Variants in BEND7 observed in about 807,000 individuals in gnomAD.
BEND7 encodes BEN domain-containing protein 7.
Under a neutral mutation model 50.9 loss-of-function variants are expected in BEND7, and 28 were observed. The observed-to-expected ratio is 0.55, with a 90% CI of 0.41 to 0.75. The LOEUF (loss-of-function observed/expected upper bound fraction) is 0.75. Among genes scored for constraint, BEND7 ranks in the 30% least tolerant of loss-of-function variants. The pLI is 0.00. For missense variants in BEND7, 477 were observed against 491.3 expected, an observed-to-expected ratio of 0.97 and a Z score of 0.28; for synonymous variants, 170 against 183.9, an observed-to-expected ratio of 0.92 and a Z score of 0.61.
chr10:13,466,795 C>T (rs912822763), intron 6 of BEND7, among the ~76,000 whole-genome samples: 8 of 152,042 alleles, frequency 5.3e-5, no homozygotes, highest in African/African-American at 1.7e-4. Flanking sequence ...AAAAGTCATG[C>T]GTTTTTCTCT....
chr10:13,525,242 C>T lies in BEND7; in HGVS notation c.145+896G>A, dbSNP rs182170772. ...ACCCTGACCTTATGGGTACTTCACT[C>T]TTAGAGGCAAAATCTTACGTGGTTT... On this transcript the variant is annotated intron_variant, in intron 2 of 8. Transcript: ENST00000466271. Among the ~76,000 whole-genome samples the T allele has an allele frequency of 1.1e-4, 17 of 152,332 alleles. No homozygotes were observed. In the East Asian group the frequency reaches 2.9e-3, roughly 26 times the overall value.
intron 8 of BEND7, 58 bp downstream of exon 8, chr10:13,447,208 T>G: frequency 6.4e-7 from 1 of 1,573,524 alleles, no homozygotes; most frequent in African/African-American, 1.4e-5. Flanking sequence ...TCAATGCAAA[T>G]AGTTTTGTGG....
At chr10:13,469,865 A>G (rs1002044395) in intron 6 of BEND7, among the ~76,000 whole-genome samples, 4 of 152,178 alleles carry the variant, frequency 2.6e-5, no homozygotes, top group Admixed American at 6.5e-5. Flanking sequence ...TTTGCAATGC[A>G]CTTTCAGGGC....
chr10:13,477,752 A>C (rs1416013277), intron 6 of BEND7, among the ~76,000 whole-genome samples: 2 of 152,254 alleles, frequency 1.3e-5, no homozygotes, highest in Non-Finnish European at 2.9e-5. Context: ...TGAGTTATTC[A>C]AGAAGATGTG....
At chr10:13,523,148 TCTATA>T (rs1406347210) in intron 2 of BEND7, among the ~76,000 whole-genome samples, 14 of 152,232 alleles carry the variant, frequency 9.2e-5, no homozygotes, top group Non-Finnish European at 1.5e-4. Flanking sequence ...CAGAGTATCT[TCTATA>T]AAGACACTGG....
At chr10:13,508,955 C>G (rs1384872201) in intron 2 of BEND7, among the ~76,000 whole-genome samples, 1 of 152,182 alleles carries the variant, frequency 6.6e-6, no homozygotes, top group South Asian at 2.1e-4. Flanking sequence ...GATGTGAAGC[C>G]AGGACAGGTA....
chr10:13,490,640 T>C (rs2076587047), intron 5 of BEND7, among the ~76,000 whole-genome samples: 2 of 152,182 alleles, frequency 1.3e-5, no homozygotes, highest in Admixed American at 6.5e-5. Flanking sequence ...GGCACAATTC[T>C]TCCTTTACTG....
Position 13,457,932 on chromosome 10 carries a change from T to C in BEND7, c.1064-5274A>G, listed in dbSNP as rs116762664. ...ATGCAATAGGTTCTAAAAAGAAATC[T>C]CCCTCCTTTCCTATTTTAATATATG... On this transcript the variant is annotated intron_variant, in intron 6 of 8. Transcript: ENST00000466271. Among the ~76,000 whole-genome samples, 63 of 152,292 alleles carry C rather than the reference T, an allele frequency of 4.1e-4. 1 individual carries two copies. Among genetic ancestry groups the C allele is most frequent in the African/African-American group, 1.5e-3 (62 of 41,562 alleles).
chr10:13,514,196 C>G (rs1182090575), intron 2 of BEND7, among the ~76,000 whole-genome samples: 1 of 152,204 alleles, frequency 6.6e-6, no homozygotes, highest in Non-Finnish European at 1.5e-5. Flanking sequence ...CTAGTGGGTT[C>G]TACAACCTCC....
intron 2 of BEND7, among the ~76,000 whole-genome samples, chr10:13,520,321 C>G (rs933542540): frequency 6.6e-6 from 1 of 152,248 alleles, no homozygotes; most frequent in East Asian, 1.9e-4. Flanking sequence ...TTTCCCAGGC[C>G]ATAGCTCCTG....
At chr10:13,476,163 G>A (rs1204134882) in intron 6 of BEND7, among the ~76,000 whole-genome samples, 1 of 152,060 alleles carries the variant, frequency 6.6e-6, no homozygotes, top group Non-Finnish European at 1.5e-5. Context: ...GACCCTACAG[G>A]TATCTAGAGT....
chr10:13,440,331 A>G (rs74122728), downstream of BEND7, among the ~76,000 whole-genome samples: 1,288 of 152,314 alleles, frequency 8.5e-3, 20 homozygotes, highest in African/African-American at 0.03. Flanking sequence ...AGAGGCGAGG[A>G]CTGGAGCCTG....
intron 2 of BEND7, among the ~76,000 whole-genome samples, chr10:13,501,369 C>T (rs1246590305): frequency 1.0e-5 from 1 of 98,840 alleles, no homozygotes; most frequent in African/African-American, 4.2e-5. Flanking sequence ...AGTGAAACTC[C>T]ATCTCAAAAA....
At chr10:13,505,303 C>T (rs1407221422) in intron 2 of BEND7, among the ~76,000 whole-genome samples, 2 of 152,222 alleles carry the variant, frequency 1.3e-5, no homozygotes, top group Admixed American at 1.3e-4. Flanking sequence ...TTGCACCCCA[C>T]GTGGACTGTG....
chr10:13,503,146 T>C (rs1356476137), intron 2 of BEND7, among the ~76,000 whole-genome samples: 1 of 152,028 alleles, frequency 6.6e-6, no homozygotes, highest in East Asian at 1.9e-4. Flanking sequence ...TATTTTCATT[T>C]TGACAACCAG....
chr10:13,497,171 G>C (rs1192014460), intron 3 of BEND7, among the ~76,000 whole-genome samples: 2 of 152,200 alleles, frequency 1.3e-5, no homozygotes, highest in African/African-American at 4.8e-5. Context: ...GGCACAGCAG[G>C]CCTCCCTATT....
At chr10:13,474,829 T>C (rs1302670613) in intron 6 of BEND7, among the ~76,000 whole-genome samples, 1 of 152,260 alleles carries the variant, frequency 6.6e-6, no homozygotes, top group African/African-American at 2.4e-5. Flanking sequence ...TGGTCGATAC[T>C]CATCATTGCT....
intron 2 of BEND7, among the ~76,000 whole-genome samples, chr10:13,503,416 G>C (rs1217500442): frequency 6.6e-6 from 1 of 152,120 alleles, no homozygotes; most frequent in Admixed American, 6.5e-5. Context: ...TTAAAGGATG[G>C]AACACATCCT....
intron 2 of BEND7, among the ~76,000 whole-genome samples, chr10:13,517,620 G>A (rs1052561761): frequency 6.6e-6 from 1 of 152,170 alleles, no homozygotes; most frequent in Non-Finnish European, 1.5e-5. Context: ...GGGCATGGTG[G>A]TGCATGCCTG....
Sources: gnomAD v4.1 joint callset for allele counts (sites outside exome capture counted in the v4.1 genomes callset) on GRCh38, gnomAD v4.1.1 for gene constraint, MANE v1.5 for transcripts, NCBI Gene and HGNC (gene_info 2026-07-23, HGNC 2026-07-21) for gene names.